LSAMP: variants seen among roughly 807,000 people sequenced by gnomAD.
The protein encoded by LSAMP is limbic system associated membrane protein.
Under a neutral mutation model 38.6 loss-of-function variants are expected in LSAMP, and 7 were observed. The observed-to-expected ratio is 0.18, with a 90% CI of 0.10 to 0.34. The LOEUF (loss-of-function observed/expected upper bound fraction) is 0.34, where lower values mean the gene tolerates loss of function less well. Among genes scored for constraint, LSAMP ranks in the 10% least tolerant of loss-of-function variants. The probability of loss-of-function intolerance (pLI) is 1.00; values close to 1 mark genes in which losing one functional copy is unlikely to be tolerated. For missense variants in LSAMP, 313 were observed against 420.0 expected (o/e 0.75, Z 2.23); for synonymous variants, 154 against 166.8 (o/e 0.92, Z 0.59).
chr3:115,948,720 A>C (rs998380615), intron 3 of LSAMP, among the ~76,000 whole-genome samples: 1 of 152,358 alleles, frequency 6.6e-6, no homozygotes, highest in East Asian at 1.9e-4. Flanking sequence ...ACCTCAAGGA[A>C]CTAGAGAAAC....
At chr3:116,266,369 T>C (rs912657550) in intron 1 of LSAMP, among the ~76,000 whole-genome samples, 1 of 152,160 alleles carries the variant, frequency 6.6e-6, no homozygotes, top group African/African-American at 2.4e-5. Flanking sequence ...TGGGAATTTA[T>C]TATGCTGCTT....
intron 3 of LSAMP, among the ~76,000 whole-genome samples, chr3:115,979,835 A>G (rs1394515771): frequency 6.6e-6 from 1 of 152,176 alleles, no homozygotes; most frequent in Non-Finnish European, 1.5e-5. Context: ...AGCTGCATAT[A>G]GTAGTTGTTT....
At chr3:116,008,297 T>C (rs1940223986) in intron 3 of LSAMP, among the ~76,000 whole-genome samples, 1 of 152,162 alleles carries the variant, frequency 6.6e-6, no homozygotes, top group African/African-American at 2.4e-5. Flanking sequence ...CATATAAAAG[T>C]AAATTATGGA....
chr3:116,068,967 T>C (rs1193750710), intron 2 of LSAMP, among the ~76,000 whole-genome samples: 2 of 152,172 alleles, frequency 1.3e-5, no homozygotes, highest in Non-Finnish European at 2.9e-5. Flanking sequence ...AACTTGCTTG[T>C]GGATAGCAAG....
intron 1 of LSAMP, among the ~76,000 whole-genome samples, chr3:116,244,209 G>T (rs1378526178): frequency 6.6e-6 from 1 of 152,046 alleles, no homozygotes; most frequent in East Asian, 1.9e-4. Flanking sequence ...TGAGTCTTAA[G>T]TCCTGTCCTT....
At chr3:115,877,634 G>A (rs921987833) in intron 3 of LSAMP, among the ~76,000 whole-genome samples, 1 of 152,104 alleles carries the variant, frequency 6.6e-6, no homozygotes, top group Non-Finnish European at 1.5e-5. Flanking sequence ...AGAAGCAGAG[G>A]AAAGTTTCTG....
At chr3:115,848,358 A>T (rs1935226814) in intron 4 of LSAMP, among the ~76,000 whole-genome samples, 1 of 152,198 alleles carries the variant, frequency 6.6e-6, no homozygotes, top group Non-Finnish European at 1.5e-5. Context: ...CAGGAGGCAG[A>T]CGTTGCAGTT....
intron 2 of LSAMP, among the ~76,000 whole-genome samples, chr3:116,078,876 C>T (rs367987582): frequency 6.6e-6 from 1 of 151,984 alleles, no homozygotes; most frequent in South Asian, 2.1e-4. Flanking sequence ...CCAAGTAACC[C>T]TTCCTTTTAG....
chr3:116,356,101 AGT>A (rs1559839654), intron 1 of LSAMP, among the ~76,000 whole-genome samples: 2,873 of 152,336 alleles, frequency 0.019, 86 homozygotes, highest in African/African-American at 0.064. Context: ...AAAGGAAATC[AGT>A]GTTTCATAGA....
Position 116,421,747 on chromosome 3 carries a change from C to T in LSAMP, c.155+23130G>A, listed in dbSNP as rs1447605121. ...ATAATGAGACATCACTACACAGTCA[C>T]TTGAATGGCTATACCCAAAAGAGAG... is the stretch of plus-strand genomic sequence containing the variant. On this transcript the variant is annotated intron_variant, in intron 1 of 6. Transcript: ENST00000490035. Among the ~76,000 whole-genome samples the T allele has an allele frequency of 3.3e-5, 5 of 152,236 alleles. No individual in the cohort carries two copies. In the South Asian group the frequency reaches 8.3e-4, roughly 25 times the overall value.
At chr3:116,145,740 C>T (rs539251559) in intron 1 of LSAMP, among the ~76,000 whole-genome samples, 1 of 151,844 alleles carries the variant, frequency 6.6e-6, no homozygotes, top group East Asian at 1.9e-4. Flanking sequence ...AGGAATATTA[C>T]TCATTGAATA....
At chr3:116,323,984 G>C (rs2047739117) in intron 1 of LSAMP, among the ~76,000 whole-genome samples, 1 of 152,068 alleles carries the variant, frequency 6.6e-6, no homozygotes, top group Non-Finnish European at 1.5e-5. Context: ...TCTTTTCACA[G>C]AACATTAACA....
chr3:116,344,033 T>A lies in LSAMP; in HGVS notation c.155+100844A>T, dbSNP rs537729639. Among the ~76,000 whole-genome samples the A allele has an allele frequency of 2.0e-5, 3 of 152,214 alleles. No individual in the cohort carries two copies. The East Asian group carries it at 5.8e-4, about 29-fold the overall frequency. On this transcript the variant is annotated intron_variant, in intron 1 of 6. Coordinates refer to ENST00000490035, the MANE Select transcript of LSAMP (RefSeq NM_002338.5). ...ATGGAAAAAGAAAATTTTCATGAAA[T>A]ACAAGGAATTAAACTATAGAGTAAT...
intron 2 of LSAMP, among the ~76,000 whole-genome samples, chr3:116,022,629 T>G (rs1940671586): frequency 6.6e-6 from 1 of 152,206 alleles, no homozygotes; most frequent in African/African-American, 2.4e-5. Flanking sequence ...GTAGTCAGCC[T>G]TCTCAGATTC....
At chr3:116,433,027 A>G (rs62269077) in intron 1 of LSAMP, among the ~76,000 whole-genome samples, 2,038 of 152,294 alleles carry the variant, frequency 0.013, 13 homozygotes, top group Non-Finnish European at 0.022. Flanking sequence ...AGTTATCTCA[A>G]AACAAACACC....
chr3:115,977,447 G>C (rs1422538829), intron 3 of LSAMP, among the ~76,000 whole-genome samples: 1 of 151,982 alleles, frequency 6.6e-6, no homozygotes, highest in Non-Finnish European at 1.5e-5. Context: ...AGCAGATTTG[G>C]CCCAACCACT....
chr3:116,270,721 G>T (rs1243222558), intron 1 of LSAMP, among the ~76,000 whole-genome samples: 1 of 152,024 alleles, frequency 6.6e-6, no homozygotes, highest in African/African-American at 2.4e-5. Context: ...TTTTCTAAGG[G>T]CTCCCTGTTT....
At chr3:116,086,158 G>T (rs935832804) in intron 2 of LSAMP, among the ~76,000 whole-genome samples, 166 bp downstream of exon 2, 1 of 152,048 alleles carries the variant, frequency 6.6e-6, no homozygotes, top group Non-Finnish European at 1.5e-5. Flanking sequence ...TATTGTTTTG[G>T]GTCCTCTCAT....
chr3:116,257,476 T>G (rs941617927), intron 1 of LSAMP, among the ~76,000 whole-genome samples: 15 of 152,194 alleles, frequency 9.9e-5, no homozygotes, highest in Admixed American at 5.9e-4. Context: ...TTGTAAGAAG[T>G]ATTCAAGGAA....
Sources: gnomAD v4.1 joint callset for allele counts (sites outside exome capture counted in the v4.1 genomes callset) on GRCh38, gnomAD v4.1.1 for gene constraint, MANE v1.5 for transcripts, NCBI Gene and HGNC (gene_info 2026-07-23, HGNC 2026-07-21) for gene names.